Variants in PAWR observed in about 807,000 individuals in gnomAD.
The protein encoded by PAWR is pro-apoptotic WT1 regulator, also known as PRKC apoptosis WT1 regulator protein.
Under a neutral mutation model 32.0 loss-of-function variants are expected in PAWR, and 23 were observed. The ratio of observed to expected loss-of-function variants is 0.72; its 90% CI spans 0.52 to 1.02. The LOEUF is 1.02. Among genes scored for constraint, PAWR ranks in the 50% least tolerant of loss-of-function variants. The probability of loss-of-function intolerance (pLI) is 0.00; values close to 1 mark genes in which losing one functional copy is unlikely to be tolerated. For missense variants in PAWR, 457 were observed against 437.7 expected, an observed-to-expected ratio of 1.04 and a Z score of -0.39; for synonymous variants, 226 against 187.1, an observed-to-expected ratio of 1.21 and a Z score of -1.70.
In PAWR at chr12:79,666,833, T is replaced by C. The variant is rs193169167; in HGVS notation, c.516+22896A>G. On this transcript the variant is annotated intron_variant, in intron 2 of 6. Transcript: ENST00000328827. ...TCATACATACAGTGATATTTACACA[T>C]AAACAAAAACCCTTTAGGATACTCA... 6.6e-5 allele frequency among the ~76,000 whole-genome samples: 10 copies of C among 152,308 alleles called. No homozygotes were observed. The East Asian group carries it at 1.9e-3, about 29-fold the overall frequency.
intron 2 of PAWR, among the ~76,000 whole-genome samples, chr12:79,650,770 G>C (rs1876806852): frequency 6.7e-6 from 1 of 150,324 alleles, no homozygotes; most frequent in African/African-American, 2.5e-5. Context: ...GGCCGGACTT[G>C]GCCTACAACC....
intron 2 of PAWR, among the ~76,000 whole-genome samples, chr12:79,678,351 A>G (rs2136873389): frequency 6.6e-6 from 1 of 152,332 alleles, no homozygotes; most frequent in African/African-American, 2.4e-5. Flanking sequence ...ATCCAACACA[A>G]TTGGTCCATA....
chr12:79,621,367 C>T (rs916908555), intron 2 of PAWR, among the ~76,000 whole-genome samples, 160 bp from the exon 3 acceptor site: 7 of 152,104 alleles, frequency 4.6e-5, no homozygotes, highest in Non-Finnish European at 7.4e-5. Flanking sequence ...CATTTAATTC[C>T]TATAAATTAT....
At chr12:79,643,659 T>A (rs760387005) in intron 2 of PAWR, among the ~76,000 whole-genome samples, 2 of 152,118 alleles carry the variant, frequency 1.3e-5, no homozygotes, top group Non-Finnish European at 2.9e-5. Flanking sequence ...CTACTCTAAA[T>A]CCTAATCAGA....
At position 79,632,347 on chromosome 12, in the gene PAWR, A is replaced by T. The variant is rs1322009035; in HGVS notation, c.517-11140T>A. ...TATATATATATATATATATATATAT[A>T]TATATATATATATATTTTTTTTTTT... is the stretch of plus-strand genomic sequence containing the variant. On this transcript the variant is annotated intron_variant, in intron 2 of 6. Transcript: ENST00000328827. Among the ~76,000 whole-genome samples, 30 of 49,526 alleles carry T rather than the reference A, an allele frequency of 6.1e-4. 3 individuals carry two copies. The African/African-American group carries it at 7.7e-3, about 13-fold the overall frequency. The allele number at this position is 49,526 out of a possible 152,430, so 32.5% of individuals were successfully genotyped here.
intron 2 of PAWR, among the ~76,000 whole-genome samples, chr12:79,625,636 C>A (rs1056631106): frequency 2.0e-5 from 3 of 151,912 alleles, no homozygotes; most frequent in Non-Finnish European, 4.4e-5. Context: ...ATGGCTAACA[C>A]GGTGAAACCC....
At chr12:79,683,373 A>T (rs1280293729) in intron 2 of PAWR, among the ~76,000 whole-genome samples, 1 of 152,184 alleles carries the variant, frequency 6.6e-6, no homozygotes. Flanking sequence ...CGGATCAGTA[A>T]ACTAGTACAG....
intron 3 of PAWR, among the ~76,000 whole-genome samples, chr12:79,617,019 T>C: frequency 6.6e-6 from 1 of 152,214 alleles, no homozygotes; most frequent in East Asian, 1.9e-4. Context: ...TATGGTCTTT[T>C]ATTAGAGATT....
chr12:79,689,683 G>A (rs1178791835), intron 2 of PAWR, 46 bp downstream of exon 2: 7 of 1,521,706 alleles, frequency 4.6e-6, no homozygotes, highest in Non-Finnish European at 6.1e-6. Context: ...CCGGGAGGCA[G>A]CTGCCCGCCC....
At chr12:79,622,298 G>A (rs1386095299) in intron 2 of PAWR, among the ~76,000 whole-genome samples, 1 of 152,008 alleles carries the variant, frequency 6.6e-6, no homozygotes, top group Non-Finnish European at 1.5e-5. Flanking sequence ...GAGATGGAGT[G>A]TTTTTTATTA....
intron 2 of PAWR, among the ~76,000 whole-genome samples, chr12:79,681,290 A>G (rs963086898): frequency 1.3e-5 from 2 of 152,144 alleles, no homozygotes; most frequent in Non-Finnish European, 2.9e-5. Flanking sequence ...TTTAATATCA[A>G]ACAGCACAAA....
At chr12:79,593,788 C>T (rs1873646857) in intron 6 of PAWR, among the ~76,000 whole-genome samples, 1 of 149,624 alleles carries the variant, frequency 6.7e-6, no homozygotes, top group South Asian at 2.2e-4. Flanking sequence ...CTGCAACCTC[C>T]GCCTCCTGGG....
intron 2 of PAWR, among the ~76,000 whole-genome samples, chr12:79,672,825 A>G (rs1877975303): frequency 6.6e-6 from 1 of 152,110 alleles, no homozygotes; most frequent in African/African-American, 2.4e-5. Flanking sequence ...AATTTCAACA[A>G]GTACAAATTT....
rs909499208 is a variant in PAWR, at chr12:79,609,742, T to A, written c.683+3833A>T. ...TTCGTTCATGTGACCTGATTTTTCC[T>A]GGACACTGAATGGGTGCAAACGCTA... On this transcript the variant is annotated intron_variant, in intron 4 of 6. Coordinates refer to ENST00000328827, the MANE Select transcript of PAWR (RefSeq NM_002583.4). 2.0e-5 allele frequency among the ~76,000 whole-genome samples: 3 copies of A among 152,172 alleles called. No homozygotes were observed. In the South Asian group the frequency reaches 6.2e-4, roughly 32 times the overall value.
At chr12:79,647,173 C>CAAAA (rs11319978) in intron 2 of PAWR, among the ~76,000 whole-genome samples, 1 of 82,416 alleles carries the variant, frequency 1.2e-5, no homozygotes, top group Non-Finnish European at 3.2e-5. Flanking sequence ...GACTCCATTT[C>CAAAA]AAAAAAAAAA....
rs114741173 is a variant in PAWR at position 79,677,873 on chromosome 12, A to G, written c.516+11856T>C. 6.6e-3 allele frequency among the ~76,000 whole-genome samples: 998 copies of G among 152,336 alleles called. 11 individuals are homozygous for G. Among genetic ancestry groups the G allele is most frequent in the African/African-American group, 0.019 (810 of 41,572 alleles). On this transcript the variant is annotated intron_variant, in intron 2 of 6. Transcript: ENST00000328827. ...CTGGTTTTATATTAAAGTGCAGGGC[A>G]AAGTACAAACTCAGGGATAACGTTA...
chr12:79,617,607 GCTTT>G (rs1461689881), intron 3 of PAWR, among the ~76,000 whole-genome samples: 1 of 151,956 alleles, frequency 6.6e-6, no homozygotes, highest in Non-Finnish European at 1.5e-5. Context: ...AATTTTTTTA[GCTTT>G]ATTTTTAATT....
chr12:79,599,955 G>A (rs184990536), intron 4 of PAWR, among the ~76,000 whole-genome samples: 3 of 152,202 alleles, frequency 2.0e-5, no homozygotes, highest in East Asian at 3.9e-4. Context: ...TTCAAATAAT[G>A]AATTTGGTTT....
At chr12:79,675,484 C>T (rs1878119831) in intron 2 of PAWR, among the ~76,000 whole-genome samples, 1 of 152,090 alleles carries the variant, frequency 6.6e-6, no homozygotes, top group South Asian at 2.1e-4. Flanking sequence ...GTAATCAACC[C>T]AGATCCCCAT....
Sources: gnomAD v4.1 joint callset for allele counts (sites outside exome capture counted in the v4.1 genomes callset) on GRCh38, gnomAD v4.1.1 for gene constraint, MANE v1.5 for transcripts, NCBI Gene and HGNC (gene_info 2026-07-23, HGNC 2026-07-21) for gene names.